Variants in HELQ observed in about 807,000 individuals in gnomAD.
HELQ encodes helicase POLQ-like.
Under a neutral mutation model 111.6 loss-of-function variants are expected in HELQ, and 77 were observed. The ratio of observed to expected loss-of-function variants is 0.69; its 90% CI spans 0.57 to 0.83. The LOEUF (loss-of-function observed/expected upper bound fraction) is 0.83. Among genes scored for constraint, HELQ ranks in the 40% least tolerant of loss-of-function variants. The pLI is 0.00. For synonymous variants in HELQ, 438 were observed against 454.7 expected, an observed-to-expected ratio of 0.96 and a Z score of 0.47; for missense variants, 1,200 against 1,288.5, an observed-to-expected ratio of 0.93 and a Z score of 1.05.
At chr4:83,443,422 T>C in intron 6 of HELQ, 95 bp downstream of exon 6, 2 of 575,852 alleles carry the variant, frequency 3.5e-6, no homozygotes, top group Non-Finnish European at 6.1e-6. Flanking sequence ...CCTTCACTAC[T>C]CTACAGAATT....
intron 9 of HELQ, among the ~76,000 whole-genome samples, chr4:83,436,579 A>C (rs1014198624): frequency 6.6e-5 from 10 of 152,226 alleles, no homozygotes; most frequent in Admixed American, 5.9e-4. Context: ...TATTTCTACA[A>C]AACCAGATTA....
At chr4:83,410,985 T>C (rs1434055603) in intron 17 of HELQ, among the ~76,000 whole-genome samples, 1 of 132,462 alleles carries the variant, frequency 7.5e-6, no homozygotes, top group African/African-American at 2.8e-5. Flanking sequence ...ACCCCATCTC[T>C]AAAAAAAAAA....
chr4:83,453,141 G>A, intron 2 of HELQ, 90 bp downstream of exon 2: 1 of 717,696 alleles, frequency 1.4e-6, no homozygotes, highest in East Asian at 2.7e-5. Flanking sequence ...GAAACAGTAT[G>A]GACCATGAAA....
chr4:83,453,718 C>T lies in HELQ; in HGVS notation c.525G>A (p.Glu175=), dbSNP rs759749846. The change falls in exon 2 of 18, where the codon GAG becomes GAA. Residue 175 remains glutamate (E), a synonymous_variant. Transcript: ENST00000295488. ...TGACACCTTCATATCCACTCTGGTT[C>T]TCTGTGTGCTTATCAGTTTGTAATT... The part of the protein sequence containing the change: ...LTELQTDKHT[E]NQSGYEGVTI... The T allele has an allele frequency of 1.2e-6, 2 of 1,614,040 alleles. No individual in the cohort carries two copies. Among genetic ancestry groups the T allele is most frequent in the East Asian group, 2.2e-5 (1 of 44,884 alleles).
At chr4:83,435,973 C>CAA (rs5859872) in intron 9 of HELQ, among the ~76,000 whole-genome samples, 65 of 142,648 alleles carry the variant, frequency 4.6e-4, no homozygotes, top group African/African-American at 1.6e-3. Flanking sequence ...ACATACGTGG[C>CAA]AAAAAAAAAA....
At chr4:83,409,712 G>A (rs974947358) in intron 17 of HELQ, among the ~76,000 whole-genome samples, 6 of 152,072 alleles carry the variant, frequency 3.9e-5, no homozygotes, top group Non-Finnish European at 5.9e-5. Context: ...ATGAGGAGGA[G>A]TAGAAATGCT....
intron 16 of HELQ, among the ~76,000 whole-genome samples, chr4:83,417,241 T>A (rs2109967670): frequency 6.6e-6 from 1 of 151,816 alleles, no homozygotes; most frequent in African/African-American, 2.4e-5. Flanking sequence ...CTTGCTCTGT[T>A]GCCCAGGCTG....
Position 83,453,796 on chromosome 4 carries a change from G to A in HELQ, c.447C>T (p.Cys149=), listed in dbSNP as rs1335660870. 8 of 1,613,960 alleles carry A rather than the reference G, an allele frequency of 5.0e-6. No individual in the cohort carries two copies. Among genetic ancestry groups the A allele is most frequent in the Non-Finnish European group, 6.8e-6 (8 of 1,180,002 alleles). ...HATDFATENL[C]SESIKNKLSI... is the part of the protein sequence containing the mutation. ...TGAGTTTGTTTTTGATACTTTCCGA[G>A]CAAAGATTTTCAGTGGCAAAGTCTG... Residue 149 remains cysteine, a synonymous_variant, in exon 2 of 18, where the codon TGC becomes TGT. Transcript: ENST00000295488.
chr4:83,442,055 G>A (rs776117319), intron 6 of HELQ, among the ~76,000 whole-genome samples: 1 of 151,904 alleles, frequency 6.6e-6, no homozygotes, highest in Non-Finnish European at 1.5e-5. Flanking sequence ...ATGAGCCACC[G>A]TGTCCAGCCA....
rs558853380 is a variant in HELQ at position 83,453,873 on chromosome 4, C to G, written c.370G>C (p.Asp124His). 13 of 1,614,026 alleles carry G rather than the reference C, an allele frequency of 8.1e-6. No homozygotes were observed. The African/African-American group carries it at 1.7e-4, about 22-fold the overall frequency. ...FTENSFIAQV[D>H]DLEQKYMQLP... ...TGCATATATTTTTGTTCCAGGTCGT[C>G]AACTTGAGCTATAAAGGAGTTTTCA... Residue 124 changes from aspartate to histidine, a missense_variant, in exon 2 of 18, where the codon GAC (aspartate) becomes CAC (histidine). Asp to His is a moderately conservative substitution (Grantham distance 81). Transcript: ENST00000295488.
At chr4:83,447,410 G>C (rs1452616896) in intron 3 of HELQ, among the ~76,000 whole-genome samples, 2 of 152,034 alleles carry the variant, frequency 1.3e-5, no homozygotes, top group African/African-American at 4.8e-5. Flanking sequence ...GGTGCTCATG[G>C]GGTTCAAAAA....
chr4:83,411,417 C>G (rs1739090105), intron 17 of HELQ, among the ~76,000 whole-genome samples: 1 of 150,912 alleles, frequency 6.6e-6, no homozygotes, highest in Non-Finnish European at 1.5e-5. Flanking sequence ...GGAGACCAGC[C>G]TGGGCAGCAT....
rs768787457 is a variant in HELQ at position 83,416,791 on chromosome 4, G to C, written c.3138C>G (p.Leu1046=). 15 of 1,613,700 alleles carry C rather than the reference G, an allele frequency of 9.3e-6. No individual in the cohort carries two copies. The highest frequency in any genetic ancestry group is 1.1e-5 in the Non-Finnish European group (13 of 1,179,828). Residue 1046 remains leucine, a synonymous_variant, in exon 17 of 18, where the codon CTC becomes CTG. Transcript: ENST00000295488. ...TTGATAAATGATCAATTGTCCTTACGAGCACTTCAGGATTTGCATTAGCTA... is the reference window on the plus strand; with the variant it reads ...TTGATAAATGATCAATTGTCCTTACCAGCACTTCAGGATTTGCATTAGCTA... ...MHLANANPEV[L]VRTIDHLSRR...
intron 11 of HELQ, among the ~76,000 whole-genome samples, chr4:83,430,763 A>G (rs1720100629): frequency 6.6e-6 from 1 of 152,182 alleles, no homozygotes; most frequent in Non-Finnish European, 1.5e-5. Context: ...ATAGTATTCA[A>G]TTAAGCTAAA....
At chr4:83,451,122 G>C (rs1721340509) in intron 2 of HELQ, among the ~76,000 whole-genome samples, 1 of 152,090 alleles carries the variant, frequency 6.6e-6, no homozygotes, top group Admixed American at 6.5e-5. Flanking sequence ...CAGATTTAGA[G>C]GTAAAAAGAT....
chr4:83,448,537 G>T (rs1232959965), intron 3 of HELQ, among the ~76,000 whole-genome samples: 2 of 151,894 alleles, frequency 1.3e-5, no homozygotes, highest in Non-Finnish European at 2.9e-5. Flanking sequence ...GGGTATGGTG[G>T]CATGGGCCTG....
chr4:83,448,065 C>T (rs146851186), intron 3 of HELQ, among the ~76,000 whole-genome samples: 9 of 151,798 alleles, frequency 5.9e-5, no homozygotes, highest in African/African-American at 1.9e-4. Context: ...CAAAAATTAG[C>T]CAGGCATGGT....
At chr4:83,425,859 G>A (rs72944450) in intron 14 of HELQ, 135 bp downstream of exon 14, 18,575 of 562,124 alleles carry the variant, frequency 0.033, 2,637 homozygotes, top group African/African-American at 0.31. Context: ...TAAAATGAAC[G>A]TTATACTAAT....
intron 17 of HELQ, among the ~76,000 whole-genome samples, chr4:83,411,953 G>A (rs149775114): frequency 1.3e-5 from 2 of 152,202 alleles, no homozygotes; most frequent in East Asian, 3.9e-4. Context: ...CTGAACTCTT[G>A]AACTTCAATA....
Sources: gnomAD v4.1 joint callset for allele counts (sites outside exome capture counted in the v4.1 genomes callset) on GRCh38, gnomAD v4.1.1 for gene constraint, MANE v1.5 for transcripts, NCBI Gene and HGNC (gene_info 2026-07-23, HGNC 2026-07-21) for gene names.